OPCML: variants seen among roughly 807,000 people sequenced by gnomAD.
OPCML encodes the protein opioid-binding protein/cell adhesion molecule.
OPCML carries 13 observed loss-of-function variants against 37.8 expected under a neutral mutation model. That is an observed-to-expected ratio of 0.34 (90% CI 0.22 to 0.55). The LOEUF is 0.55. Among genes scored for constraint, OPCML ranks in the 20% least tolerant of loss-of-function variants. The probability of loss-of-function intolerance (pLI) is 0.91; values close to 1 mark genes in which losing one functional copy is unlikely to be tolerated. For missense variants in OPCML, 341 were observed against 435.6 expected, an observed-to-expected ratio of 0.78 and a Z score of 1.93; for synonymous variants, 176 against 168.8, an observed-to-expected ratio of 1.04 and a Z score of -0.33.
intron 1 of OPCML, among the ~76,000 whole-genome samples, chr11:133,071,716 G>A (rs1489864629): frequency 6.6e-6 from 1 of 152,192 alleles, no homozygotes; most frequent in South Asian, 2.1e-4. Context: ...GATGGAGAGA[G>A]TTTTAGGCCC....
intron 1 of OPCML, among the ~76,000 whole-genome samples, chr11:133,404,239 T>C (rs1945476560): frequency 6.6e-6 from 1 of 152,258 alleles, no homozygotes; most frequent in African/African-American, 2.4e-5. Context: ...AACTGGCCAC[T>C]GGATAAGGGT....
At position 133,016,016 on chromosome 11, in the gene OPCML, C is replaced by T. The variant is rs1947327867; in HGVS notation, c.62-73006G>A. ...TGCCCATCCCTTTAACAAATACTTA[C>T]ATATTAATTGGCTGTACATCCTCAG... On this transcript the variant is annotated intron_variant, in intron 1 of 7. Coordinates refer to ENST00000524381, the MANE Select transcript of OPCML (RefSeq NM_001012393.5). Among the ~76,000 whole-genome samples the T allele has an allele frequency of 2.0e-5, 3 of 152,198 alleles. No homozygotes were observed. The South Asian group carries it at 6.2e-4, about 32-fold the overall frequency.
intron 1 of OPCML, among the ~76,000 whole-genome samples, chr11:133,458,557 G>GTA (rs199726008): frequency 1.0e-5 from 1 of 99,724 alleles, no homozygotes; most frequent in African/African-American, 1.0e-4. Flanking sequence ...ACGTGTGTGT[G>GTA]TATACACATA....
At chr11:132,638,186 T>TATATATATAGAGAGAGAG (rs71067383) in intron 3 of OPCML, among the ~76,000 whole-genome samples, 20 of 131,080 alleles carry the variant, frequency 1.5e-4, no homozygotes, top group African/African-American at 5.0e-4. Flanking sequence ...TATATATATA[T>TATATATATAGAGAGAGAG]ACAGAGAGAG....
intron 1 of OPCML, among the ~76,000 whole-genome samples, chr11:133,188,009 C>CA (rs1244708607): frequency 6.6e-6 from 1 of 152,268 alleles, no homozygotes; most frequent in Admixed American, 6.5e-5. Flanking sequence ...TGGGTGACAA[C>CA]AAAAAACAGG....
At chr11:133,256,811 T>C (rs1941326018) in intron 1 of OPCML, among the ~76,000 whole-genome samples, 2 of 152,360 alleles carry the variant, frequency 1.3e-5, no homozygotes, top group East Asian at 1.9e-4. Context: ...TGGGAGTGAC[T>C]GGTATTCTGT....
At chr11:132,595,823 T>C (rs2096491596) in intron 3 of OPCML, among the ~76,000 whole-genome samples, 2 of 152,230 alleles carry the variant, frequency 1.3e-5, no homozygotes, top group African/African-American at 4.8e-5. Context: ...ATGTCAAATC[T>C]GTGTTTATGT....
intron 1 of OPCML, among the ~76,000 whole-genome samples, chr11:132,996,411 G>A (rs1385658730): frequency 6.6e-6 from 1 of 150,778 alleles, no homozygotes; most frequent in African/African-American, 2.4e-5. Flanking sequence ...GAAGTCAGGA[G>A]TTCGAGACCA....
At position 133,172,050 on chromosome 11, in the gene OPCML, G is replaced by A. The variant is rs368094505; in HGVS notation, c.62-229040C>T. 4.6e-5 allele frequency among the ~76,000 whole-genome samples: 7 copies of A among 152,342 alleles called. No individual in the cohort carries two copies. In the East Asian group the frequency reaches 1.4e-3, roughly 29 times the overall value. ...CCCTGTATGGAAATAGCATGTAAAT[G>A]CAGATGCTTTGAACTCAACTGGAAG... On this transcript the variant is annotated intron_variant, in intron 1 of 7. Coordinates refer to ENST00000524381, the MANE Select transcript of OPCML (RefSeq NM_001012393.5).
chr11:133,522,877 TA>T (rs1307984800), intron 1 of OPCML, among the ~76,000 whole-genome samples: 1 of 152,158 alleles, frequency 6.6e-6, no homozygotes, highest in Non-Finnish European at 1.5e-5. Context: ...TACTGCAATT[TA>T]AAAAATGTTT....
chr11:132,677,113 T>C (rs1199247411), intron 2 of OPCML, among the ~76,000 whole-genome samples: 2 of 151,818 alleles, frequency 1.3e-5, no homozygotes, highest in Admixed American at 6.6e-5. Flanking sequence ...CCAAGAAATA[T>C]GTGGAGACTG....
At chr11:132,701,621 T>C (rs564309019) in intron 2 of OPCML, among the ~76,000 whole-genome samples, 1 of 152,204 alleles carries the variant, frequency 6.6e-6, no homozygotes, top group Non-Finnish European at 1.5e-5. Context: ...TGTCTTTTGA[T>C]TGGAGAATTT....
intron 1 of OPCML, among the ~76,000 whole-genome samples, chr11:133,062,408 C>T (rs569003464): frequency 4.6e-5 from 7 of 152,280 alleles, no homozygotes; most frequent in South Asian, 2.1e-4. Flanking sequence ...TTCTGACTGG[C>T]GTTACCACTA....
chr11:133,077,340 G>T (rs919949333), intron 1 of OPCML, among the ~76,000 whole-genome samples: 2 of 152,072 alleles, frequency 1.3e-5, no homozygotes, highest in South Asian at 4.2e-4. Flanking sequence ...TTTTCCCCGT[G>T]GGCTCGGCGT....
chr11:132,964,947 T>C (rs1049722645), intron 1 of OPCML, among the ~76,000 whole-genome samples: 1 of 152,214 alleles, frequency 6.6e-6, no homozygotes, highest in African/African-American at 2.4e-5. Context: ...TTCAAATCTC[T>C]GCATTCCTTA....
At chr11:132,459,012 C>T (rs2096091796) in intron 4 of OPCML, among the ~76,000 whole-genome samples, 1 of 152,180 alleles carries the variant, frequency 6.6e-6, no homozygotes, top group Non-Finnish European at 1.5e-5. Context: ...GAGACCATGT[C>T]AATGAATGTT....
intron 1 of OPCML, among the ~76,000 whole-genome samples, chr11:133,304,649 T>C (rs972431307): frequency 1.1e-4 from 17 of 152,106 alleles, no homozygotes; most frequent in Admixed American, 1.0e-3. Context: ...TGTGAAAACA[T>C]GGAATATCCC....
chr11:132,631,859 A>G (rs956521472), intron 3 of OPCML, among the ~76,000 whole-genome samples: 3 of 152,188 alleles, frequency 2.0e-5, no homozygotes, highest in African/African-American at 7.2e-5. Context: ...AAGACGTATC[A>G]TGGAGTATTT....
At chr11:133,078,428 G>A (rs1948656357) in intron 1 of OPCML, among the ~76,000 whole-genome samples, 1 of 152,174 alleles carries the variant, frequency 6.6e-6, no homozygotes, top group South Asian at 2.1e-4. Context: ...AGAGACTGAG[G>A]ATAAAAGAAA....
Sources: allele counts gnomAD v4.1 joint callset (sites outside exome capture counted in the v4.1 genomes callset), GRCh38; gene constraint gnomAD v4.1.1; transcripts MANE v1.5; gene names NCBI Gene and HGNC (gene_info 2026-07-23, HGNC 2026-07-21).